The following SPAG17 variants were observed in gnomAD, a reference collection of about 807,000 sequenced individuals.
The protein encoded by SPAG17 is sperm associated antigen 17, also known as sperm-associated antigen 17.
In SPAG17, 169 loss-of-function variants were observed where a neutral mutation model predicts 273.6. That is an observed-to-expected ratio of 0.62 (90% CI 0.55 to 0.70). The LOEUF (loss-of-function observed/expected upper bound fraction) is 0.70, where lower values mean the gene tolerates loss of function less well. Among genes scored for constraint, SPAG17 ranks in the 30% least tolerant of loss-of-function variants. SPAG17 has a pLI of 0.00. For missense variants in SPAG17, 2,557 were observed against 2,627.8 expected (o/e 0.97, Z 0.59); for synonymous variants, 825 against 873.2 (o/e 0.94, Z 0.97).
At chr1:118,074,107 T>G in intron 16 of SPAG17, 140 bp from the exon 17 acceptor site, 1 of 602,764 alleles carries the variant, frequency 1.7e-6, no homozygotes, top group South Asian at 2.4e-5. Flanking sequence ...TGGCAACATT[T>G]TAGGAGAGCT....
Position 117,994,466 on chromosome 1 carries a change from T to C in SPAG17, c.5118A>G (p.Glu1706=). 1 of 1,613,038 alleles carries C rather than the reference T, an allele frequency of 6.2e-7. No homozygotes were observed. Among genetic ancestry groups the C allele is most frequent in the Non-Finnish European group, 8.5e-7 (1 of 1,179,292 alleles). ...GGAGATTAGGAGGGACAATTGTATC[T>C]TCCTTTTTTACTTGCCATGGTGATG... ...HEASPWQVKK[E]DTIVPPNLRS... The change falls in exon 35 of 49, where the codon GAA becomes GAG. Residue 1706 remains glutamate (E), a synonymous_variant. Transcript: ENST00000336338.
intron 18 of SPAG17, among the ~76,000 whole-genome samples, chr1:118,063,407 A>G (rs1652569938): frequency 6.6e-6 from 1 of 152,226 alleles, no homozygotes; most frequent in South Asian, 2.1e-4. Flanking sequence ...ATGGAACAGA[A>G]CAGAGCCCTC....
intron 18 of SPAG17, among the ~76,000 whole-genome samples, chr1:118,066,247 T>TAA (rs1225618369): frequency 1.3e-5 from 2 of 152,124 alleles, no homozygotes; most frequent in Non-Finnish European, 2.9e-5. Context: ...AACAAAGTTC[T>TAA]AAGAGAAAAA....
intron 32 of SPAG17, among the ~76,000 whole-genome samples, chr1:118,004,790 C>T (rs754464346): frequency 1.3e-5 from 2 of 152,240 alleles, no homozygotes; most frequent in Non-Finnish European, 2.9e-5. Context: ...GATGCCCTGC[C>T]CTGCTTCATC....
At chr1:118,018,187 C>A (rs895374426) in intron 28 of SPAG17, among the ~76,000 whole-genome samples, 1 of 152,062 alleles carries the variant, frequency 6.6e-6, no homozygotes, top group Non-Finnish European at 1.5e-5. Context: ...GAAATGAATG[C>A]CAGAACCTGC....
chr1:118,023,878 T>C (rs913948769), intron 27 of SPAG17, among the ~76,000 whole-genome samples: 19 of 152,174 alleles, frequency 1.2e-4, no homozygotes, highest in African/African-American at 4.6e-4. Context: ...AATATCTATC[T>C]AGTTTGTACA....
At chr1:118,173,318 G>T (rs901379755) in intron 1 of SPAG17, among the ~76,000 whole-genome samples, 10 of 152,164 alleles carry the variant, frequency 6.6e-5, no homozygotes, top group African/African-American at 2.2e-4. Context: ...ATGGGAGAAA[G>T]CAGCCCAATT....
chr1:117,983,973 A>G, intron 41 of SPAG17, 60 bp from the exon 42 acceptor site: 1 of 718,446 alleles, frequency 1.4e-6, no homozygotes, highest in Non-Finnish European at 2.3e-6. Flanking sequence ...ACTGTCGCAA[A>G]TATGTTAAAT....
At chr1:118,054,993 G>A (rs914058445) in intron 19 of SPAG17, among the ~76,000 whole-genome samples, 1 of 152,008 alleles carries the variant, frequency 6.6e-6, no homozygotes, top group Non-Finnish European at 1.5e-5. Flanking sequence ...TATTAACAAG[G>A]AGTCCATTTC....
At chr1:118,174,002 T>C (rs192414601) in intron 1 of SPAG17, among the ~76,000 whole-genome samples, 477 of 152,194 alleles carry the variant, frequency 3.1e-3, no homozygotes, top group Non-Finnish European at 3.9e-3. Flanking sequence ...AAAATCTTTA[T>C]ACCAATCTTC....
chr1:118,141,337 A>T (rs1450446216), intron 3 of SPAG17, among the ~76,000 whole-genome samples: 10 of 152,198 alleles, frequency 6.6e-5, no homozygotes, highest in Admixed American at 3.3e-4. Flanking sequence ...AAAGCTATGT[A>T]CCACCTGTAC....
Position 118,086,914 on chromosome 1 carries a change from A to G in SPAG17, c.1454T>C (p.Val485Ala), listed in dbSNP as rs1655040577. Residue 485 changes from valine to alanine, a missense_variant, in exon 11 of 49, where the codon GTG becomes GCG. Val to Ala is a moderately conservative substitution (Grantham distance 64, BLOSUM62 0). Transcript: ENST00000336338. ...GLDHRIAAHIVSLLPSLCLSE... is the reference protein window; with the variant it reads ...GLDHRIAAHIASLLPSLCLSE... ...GAGACAGAGTGAGGGCAGAAGGGAC[A>G]CAATGTGAGCTGCGATTCTGTGGTC... The G allele has an allele frequency of 1.2e-6, 2 of 1,613,260 alleles. No homozygotes were observed. The highest frequency in any genetic ancestry group is 1.7e-6 in the Non-Finnish European group (2 of 1,179,810).
chr1:118,004,113 T>C (rs141647843), intron 32 of SPAG17, among the ~76,000 whole-genome samples: 58 of 152,278 alleles, frequency 3.8e-4, no homozygotes, highest in Non-Finnish European at 5.3e-4. Flanking sequence ...TGCCTGGGTA[T>C]CACTAGTGGA....
chr1:117,967,407 T>C (rs891293221), intron 46 of SPAG17, among the ~76,000 whole-genome samples: 1 of 151,956 alleles, frequency 6.6e-6, no homozygotes, highest in Non-Finnish European at 1.5e-5. Flanking sequence ...TGGGCCACAT[T>C]AGAAGAAGAA....
intron 1 of SPAG17, among the ~76,000 whole-genome samples, chr1:118,170,925 G>T (rs759294105): frequency 2.0e-4 from 30 of 152,186 alleles, no homozygotes; most frequent in Non-Finnish European, 3.7e-4. Context: ...ATTAGACTTT[G>T]CTCAAAGGGA....
chr1:118,174,767 A>AT (rs1660607229), intron 1 of SPAG17, among the ~76,000 whole-genome samples: 1 of 152,116 alleles, frequency 6.6e-6, no homozygotes, highest in South Asian at 2.1e-4. Context: ...TTATCAGCAA[A>AT]TTTTTCAGGA....
intron 1 of SPAG17, among the ~76,000 whole-genome samples, chr1:118,173,560 AT>A (rs1660515715): frequency 6.6e-6 from 1 of 152,116 alleles, no homozygotes; most frequent in South Asian, 2.1e-4. Context: ...GAGGAAAGAG[AT>A]TATGGGCAGA....
chr1:117,972,147 G>C (rs1343131037), intron 44 of SPAG17, 100 bp from the exon 45 acceptor site: 2 of 1,030,524 alleles, frequency 1.9e-6, no homozygotes, highest in Non-Finnish European at 2.8e-6. Flanking sequence ...CTGTTGGGTT[G>C]CTGGAGGAAA....
intron 18 of SPAG17, among the ~76,000 whole-genome samples, chr1:118,060,111 C>G (rs1306305957): frequency 1.3e-5 from 2 of 151,930 alleles, no homozygotes; most frequent in Non-Finnish European, 2.9e-5. Flanking sequence ...TTCTTTCCTA[C>G]TCTTTTGCTG....
Sources: allele counts gnomAD v4.1 joint callset (sites outside exome capture counted in the v4.1 genomes callset), GRCh38; gene constraint gnomAD v4.1.1; transcripts MANE v1.5; gene names NCBI Gene and HGNC (gene_info 2026-07-23, HGNC 2026-07-21).